Variants in TAF4 observed in about 807,000 individuals in gnomAD.
TAF4 encodes the protein TATA-box binding protein associated factor 4.
In TAF4, 9 loss-of-function variants were observed where a neutral mutation model predicts 90.3. The observed-to-expected ratio is 0.10, with a 90% confidence interval of 0.06 to 0.17. TAF4 has a LOEUF of 0.17. Among genes scored for constraint, TAF4 ranks in the 10% least tolerant of loss-of-function variants. TAF4 has a pLI of 1.00. For missense variants in TAF4, 1,351 were observed against 1,370.7 expected (o/e 0.99, Z 0.23); for synonymous variants, 818 against 638.9 (o/e 1.28, Z -4.23).
At chr20:62,046,042 G>C (rs1231159801) in intron 1 of TAF4, among the ~76,000 whole-genome samples, 1 of 152,196 alleles carries the variant, frequency 6.6e-6, no homozygotes, top group African/African-American at 2.4e-5. Flanking sequence ...TTCCCGCCAG[G>C]CCGCTGAAAG....
chr20:61,993,237 C>A (rs1319154680), intron 14 of TAF4, among the ~76,000 whole-genome samples: 1 of 152,206 alleles, frequency 6.6e-6, no homozygotes, highest in Non-Finnish European at 1.5e-5. Context: ...CCACCGTCCC[C>A]GGGGCGCACA....
At chr20:61,997,419 A>G (rs977817410) in intron 14 of TAF4, 131 bp downstream of exon 14, 1 of 1,182,088 alleles carries the variant, frequency 8.5e-7, no homozygotes, top group Non-Finnish European at 1.1e-6. Flanking sequence ...CAAATACTCC[A>G]GAAAAGGTGA....
rs770336883 is a variant in TAF4, at chr20:62,006,500, C to G, written c.2223+10G>C. ...GGGCTGTGCAGACCAGTCAGGCGCC[C>G]CTTCCATACCAGCGGTGTGGGTTGC... On this transcript the variant is annotated intron_variant, in intron 7 of 14. Transcript: ENST00000252996. The surrounding 1 kb of genome is among the most constrained non-coding windows in gnomAD (Gnocchi z 7.0). 6.7e-7 allele frequency: 1 copy of G among 1,501,314 alleles called. No individual in the cohort carries two copies. 93.0% of individuals were successfully genotyped at this position (1,501,314 alleles called of 1,614,324 possible).
chr20:62,045,335 G>A (rs1036357770), intron 1 of TAF4, among the ~76,000 whole-genome samples: 3 of 152,194 alleles, frequency 2.0e-5, no homozygotes, highest in South Asian at 2.1e-4. Flanking sequence ...GTGCCTGCCC[G>A]CTCCTCTCTA....
At chr20:62,018,448 T>C (rs892820084) in intron 1 of TAF4, among the ~76,000 whole-genome samples, 1 of 152,240 alleles carries the variant, frequency 6.6e-6, no homozygotes, top group African/African-American at 2.4e-5. Flanking sequence ...ACATAACTAA[T>C]TTAAGAGTAA....
chr20:62,062,578 C>T (rs749105807), intron 1 of TAF4, among the ~76,000 whole-genome samples: 4 of 152,204 alleles, frequency 2.6e-5, no homozygotes, highest in Non-Finnish European at 5.9e-5. Flanking sequence ...TCTGTGTGAG[C>T]TGTTCCTCTG....
chr20:62,004,769 T>C (rs940493352), intron 7 of TAF4: 2 of 152,304 alleles, frequency 1.3e-5, no homozygotes, highest in African/African-American at 4.8e-5. Context: ...CAGCCCCTGC[T>C]GGGCCCCTCG....
chr20:62,014,444 C>T, intron 2 of TAF4, 103 bp downstream of exon 2: 1 of 1,396,158 alleles, frequency 7.2e-7, no homozygotes, highest in Non-Finnish European at 9.4e-7. Flanking sequence ...TCCCAGTCCT[C>T]ACTCCCATGG....
chr20:62,029,486 G>GCACACACACA (rs56056225), intron 1 of TAF4, among the ~76,000 whole-genome samples: 7 of 146,084 alleles, frequency 4.8e-5, no homozygotes, highest in South Asian at 2.2e-4. Context: ...GCGCGCGCGC[G>GCACACACACA]CACACACACA....
chr20:61,977,592 CCA>C (rs1568918675), intron 14 of TAF4, among the ~76,000 whole-genome samples: 2 of 152,088 alleles, frequency 1.3e-5, no homozygotes, highest in Admixed American at 6.6e-5. Flanking sequence ...TGTCTCTGAC[CCA>C]CTGCATTTTC....
At chr20:62,004,223 GAGC>G (rs2055728144) in intron 7 of TAF4, among the ~76,000 whole-genome samples, 2 of 152,188 alleles carry the variant, frequency 1.3e-5, no homozygotes, top group Admixed American at 6.5e-5. Context: ...ACCCAGGATG[GAGC>G]AGACCACTGC....
chr20:61,975,942 CAAGAT>C lies in TAF4; in HGVS notation c.*221_*225del, dbSNP rs1369457998. 5.9e-5 allele frequency: 31 copies of C among 529,004 alleles called. No individual in the cohort carries two copies. The highest frequency in any genetic ancestry group is 7.0e-5 in the Non-Finnish European group (21 of 300,260). The allele number at this position is 529,004 out of a possible 1,614,324, so 32.8% of individuals were successfully genotyped here. On this transcript the variant is annotated 3_prime_UTR_variant, in exon 15 of 15. Coordinates refer to ENST00000252996, the MANE Select transcript of TAF4 (RefSeq NM_003185.4). ...TTGTTTGGCAGGAAGGCCACTCAAT[CAAGAT>C]GAGTTAAGATTTAATTGTCCTTTAA... is the stretch of plus-strand genomic sequence containing the variant.
chr20:62,025,114 T>C (rs1201305642), intron 1 of TAF4, among the ~76,000 whole-genome samples: 2 of 152,198 alleles, frequency 1.3e-5, no homozygotes, highest in Non-Finnish European at 2.9e-5. Context: ...ACAACAGCCC[T>C]GCAGTTTTGT....
At chr20:62,047,758 G>A (rs959631300) in intron 1 of TAF4, among the ~76,000 whole-genome samples, 3 of 152,202 alleles carry the variant, frequency 2.0e-5, no homozygotes, top group Non-Finnish European at 4.4e-5. Flanking sequence ...ACCAGACTTC[G>A]CCATGAGAAG....
intron 9 of TAF4, among the ~76,000 whole-genome samples, chr20:62,002,762 T>C (rs1368320833): frequency 2.0e-5 from 3 of 152,230 alleles, no homozygotes; most frequent in African/African-American, 7.2e-5. Flanking sequence ...CCTGTAGTGC[T>C]GGCACTGTAA....
chr20:62,060,529 C>T (rs1454250818), intron 1 of TAF4, among the ~76,000 whole-genome samples: 2 of 152,156 alleles, frequency 1.3e-5, no homozygotes, highest in Non-Finnish European at 2.9e-5. Flanking sequence ...GCGATGGTGA[C>T]GACCCCAGCC....
intron 1 of TAF4, among the ~76,000 whole-genome samples, chr20:62,047,089 A>C (rs28382009): frequency 5.5e-3 from 842 of 152,326 alleles, no homozygotes; most frequent in Non-Finnish European, 8.6e-3. Context: ...TTTCTGCCCT[A>C]TTAGTTCATG....
intron 2 of TAF4, among the ~76,000 whole-genome samples, chr20:62,014,009 CGG>C (rs1447466806): frequency 7.5e-6 from 1 of 133,038 alleles, no homozygotes; most frequent in African/African-American, 3.4e-5. Flanking sequence ...AAGGCTGACG[CGG>C]GGGTGTGGGT....
intron 13 of TAF4, 139 bp from the exon 14 acceptor site, chr20:61,997,808 T>A: frequency 8.7e-7 from 1 of 1,146,072 alleles, no homozygotes; most frequent in Non-Finnish European, 1.2e-6. Context: ...TTCTCAATAG[T>A]AAGCATATTC....
Sources: allele counts gnomAD v4.1 joint callset (sites outside exome capture counted in the v4.1 genomes callset), GRCh38; gene constraint gnomAD v4.1.1; non-coding constraint Gnocchi (gnomAD v3.1); transcripts MANE v1.5; gene names NCBI Gene and HGNC (gene_info 2026-07-23, HGNC 2026-07-21).